Variants in GADL1 observed in about 807,000 individuals in gnomAD.
The protein encoded by GADL1 is acidic amino acid decarboxylase GADL1.
A neutral mutation model predicts 69.5 loss-of-function variants in GADL1; 71 were observed. The observed-to-expected ratio is 1.02, with a 90% CI of 0.84 to 1.25. The LOEUF is 1.25. GADL1 is among the 50% of genes most tolerant of loss of function. The pLI is 0.00. For synonymous variants in GADL1, 254 were observed against 214.4 expected, an observed-to-expected ratio of 1.18 and a Z score of -1.62; for missense variants, 737 against 631.8, an observed-to-expected ratio of 1.17 and a Z score of -1.79.
At chr3:30,769,879 ACT>A (rs887641133) in intron 14 of GADL1, among the ~76,000 whole-genome samples, 5 of 60,532 alleles carry the variant, frequency 8.3e-5, no homozygotes, top group South Asian at 1.2e-3. Context: ...GAAGGGACAA[ACT>A]CTCATCTCAA....
chr3:30,777,649 A>C (rs1190385980), intron 14 of GADL1, among the ~76,000 whole-genome samples: 1 of 152,106 alleles, frequency 6.6e-6, no homozygotes, highest in East Asian at 1.9e-4. Flanking sequence ...ATCAGCCCCA[A>C]CAGCTGTGTG....
chr3:30,889,882 A>C (rs1252773535), intron 1 of GADL1, among the ~76,000 whole-genome samples: 1 of 152,220 alleles, frequency 6.6e-6, no homozygotes, highest in African/African-American at 2.4e-5. Context: ...AAATTCCTAC[A>C]TAAGAATCAG....
At chr3:30,871,645 T>A (rs964994218) in intron 1 of GADL1, among the ~76,000 whole-genome samples, 3 of 151,810 alleles carry the variant, frequency 2.0e-5, no homozygotes. Flanking sequence ...GGAGGGAACA[T>A]GTTCCCGTCA....
At chr3:30,854,478 C>A (rs1698197378) in intron 4 of GADL1, among the ~76,000 whole-genome samples, 1 of 152,080 alleles carries the variant, frequency 6.6e-6, no homozygotes, top group African/African-American at 2.4e-5. Context: ...TCTGTTAAAT[C>A]TCATTAAATG....
chr3:30,867,841 T>C (rs532831526), intron 1 of GADL1, among the ~76,000 whole-genome samples: 2 of 152,108 alleles, frequency 1.3e-5, no homozygotes, highest in South Asian at 2.1e-4. Context: ...AAGTGTCAAG[T>C]AGTGCCACGT....
intron 4 of GADL1, among the ~76,000 whole-genome samples, chr3:30,853,875 A>G (rs1052990439): frequency 6.6e-6 from 1 of 152,014 alleles, no homozygotes; most frequent in Non-Finnish European, 1.5e-5. Context: ...ACCTATTTAT[A>G]TTTTTAGAGA....
intron 14 of GADL1, among the ~76,000 whole-genome samples, chr3:30,751,576 T>G (rs566412950): frequency 6.6e-6 from 1 of 151,872 alleles, no homozygotes; most frequent in South Asian, 2.1e-4. Flanking sequence ...AAAAAAGGCT[T>G]TCTAGAACTT....
chr3:30,789,565 C>T (rs558794118), intron 12 of GADL1, among the ~76,000 whole-genome samples: 78 of 152,170 alleles, frequency 5.1e-4, no homozygotes, highest in Non-Finnish European at 9.3e-4. Flanking sequence ...CATTGACTTC[C>T]CTCTGGTCAT....
intron 11 of GADL1, among the ~76,000 whole-genome samples, chr3:30,833,339 TACCAACCAC>T (rs1166350661): frequency 6.6e-6 from 1 of 152,194 alleles, no homozygotes; most frequent in South Asian, 2.1e-4. Context: ...AGAAGCTAAG[TACCAACCAC>T]TTGGGATGAG....
In GADL1 at chr3:30,745,838, A is replaced by C. The variant is rs186257126; in HGVS notation, c.1393-17423T>G. Among the ~76,000 whole-genome samples, 228 of 152,182 alleles carry C rather than the reference A, an allele frequency of 1.5e-3. 2 individuals carry two copies. The highest frequency in any genetic ancestry group is 5.1e-3 in the African/African-American group (213 of 41,528). ...ATTCTCTGCCTGATTTAACGTTTAA[A>C]ATTTATCTTCCTAGGCCTCTACTTG... On this transcript the variant is annotated intron_variant, in intron 14 of 14. Coordinates refer to ENST00000282538, the MANE Select transcript of GADL1 (RefSeq NM_207359.3).
chr3:30,757,615 A>G (rs1200457265), intron 14 of GADL1, among the ~76,000 whole-genome samples: 1 of 152,218 alleles, frequency 6.6e-6, no homozygotes, highest in East Asian at 1.9e-4. Flanking sequence ...TTTATTTTCT[A>G]GGGCACATAA....
intron 9 of GADL1, among the ~76,000 whole-genome samples, chr3:30,838,621 T>C (rs557366316): frequency 2.0e-5 from 3 of 152,180 alleles, no homozygotes; most frequent in Non-Finnish European, 2.9e-5. Flanking sequence ...AATGAAGAAA[T>C]TGAAATCCAA....
At chr3:30,821,425 G>A (rs766335348) in intron 11 of GADL1, among the ~76,000 whole-genome samples, 10 of 151,660 alleles carry the variant, frequency 6.6e-5, no homozygotes, top group South Asian at 2.1e-4. Flanking sequence ...TTATACACAC[G>A]GCAGAGGAGG....
chr3:30,761,081 T>C (rs1434366514), intron 14 of GADL1, among the ~76,000 whole-genome samples: 2 of 152,176 alleles, frequency 1.3e-5, no homozygotes, highest in East Asian at 3.9e-4. Flanking sequence ...AAAAAAGCTA[T>C]CGGGTTTCAT....
At chr3:30,746,622 A>C (rs1303986584) in intron 14 of GADL1, among the ~76,000 whole-genome samples, 1 of 152,130 alleles carries the variant, frequency 6.6e-6, no homozygotes, top group African/African-American at 2.4e-5. Flanking sequence ...TGTTAGGAGG[A>C]GTTTTCTTCT....
rs1696163972 is a variant in GADL1, at chr3:30,762,554, C to CTG, written c.1392+15623_1392+15624dup. On this transcript the variant is annotated intron_variant, in intron 14 of 14. Transcript: ENST00000282538. The stretch of plus-strand genomic sequence containing the variant: ...TAAGATGTTTTGATACAGGCATGCA[C>CTG]TGAAATAAGCACATCATGAAAAATG... 2.0e-5 allele frequency among the ~76,000 whole-genome samples: 3 copies of CTG among 152,206 alleles called. No homozygotes were observed. In the South Asian group the frequency reaches 6.2e-4, roughly 32 times the overall value.
intron 11 of GADL1, among the ~76,000 whole-genome samples, chr3:30,801,585 A>G (rs1303717785): frequency 1.3e-5 from 2 of 152,216 alleles, no homozygotes; most frequent in African/African-American, 4.8e-5. Context: ...GCTATGGAAG[A>G]GGTAAACAAG....
chr3:30,752,406 A>AC (rs1695845199), intron 14 of GADL1, among the ~76,000 whole-genome samples: 1 of 151,960 alleles, frequency 6.6e-6, no homozygotes, highest in Non-Finnish European at 1.5e-5. Context: ...ATGTATGGTG[A>AC]AAGAGGATGG....
At chr3:30,850,760 A>T (rs1397572481) in intron 5 of GADL1, 75 bp downstream of exon 5, 3 of 806,164 alleles carry the variant, frequency 3.7e-6, no homozygotes, top group Non-Finnish European at 6.2e-6. Context: ...ATAAATCTGC[A>T]AGGAGTTGTT....
Sources: gnomAD v4.1 joint callset for allele counts (sites outside exome capture counted in the v4.1 genomes callset) on GRCh38, gnomAD v4.1.1 for gene constraint, MANE v1.5 for transcripts, NCBI Gene and HGNC (gene_info 2026-07-23, HGNC 2026-07-21) for gene names.